ARHGAP39: variants seen among roughly 807,000 people sequenced by gnomAD.
The protein encoded by ARHGAP39 is rho GTPase-activating protein 39.
A neutral mutation model predicts 106.9 loss-of-function variants in ARHGAP39; 44 were observed. That is an observed-to-expected ratio of 0.41 (90% confidence interval 0.32 to 0.53). The LOEUF (loss-of-function observed/expected upper bound fraction) is 0.53, where lower values mean the gene tolerates loss of function less well. ARHGAP39 is among the 20% of genes least tolerant of loss of function. ARHGAP39 has a pLI of 0.21. For synonymous variants in ARHGAP39, 768 were observed against 693.2 expected (o/e 1.11, Z -1.69); for missense variants, 1,496 against 1,577.3 (o/e 0.95, Z 0.87).
intron 3 of ARHGAP39, among the ~76,000 whole-genome samples, chr8:144,556,973 G>A (rs947931439): frequency 6.9e-5 from 10 of 145,610 alleles, no homozygotes; most frequent in Non-Finnish European, 1.2e-4. Flanking sequence ...AGTGGCAAAA[G>A]CCTGAACCTT....
upstream of ARHGAP39, among the ~76,000 whole-genome samples, chr8:144,686,100 C>T (rs1425219219): frequency 6.6e-6 from 1 of 151,994 alleles, no homozygotes; most frequent in Non-Finnish European, 1.5e-5. Context: ...GTCTTCCCGT[C>T]TCTTTCGGTG....
In ARHGAP39 at chr8:144,683,824, A is replaced by C. The variant is rs1822497148; in HGVS notation, c.-82+1862T>G. ...AATGTAAACTTCCAGTTTACATTACATTGGCAGTGCTGGAGAAACTGAAGA... is the reference window on the plus strand; with the variant it reads ...AATGTAAACTTCCAGTTTACATTACCTTGGCAGTGCTGGAGAAACTGAAGA... On this transcript the variant is annotated intron_variant, in intron 1 of 11. Transcript: ENST00000377307. 1.3e-5 allele frequency among the ~76,000 whole-genome samples: 2 copies of C among 151,286 alleles called. 1 individual carries two copies. Among genetic ancestry groups the C allele is most frequent in the South Asian group, 4.3e-4 (2 of 4,704 alleles).
chr8:144,669,556 C>A (rs1822049912), intron 1 of ARHGAP39, among the ~76,000 whole-genome samples: 3 of 137,314 alleles, frequency 2.2e-5, no homozygotes, highest in African/African-American at 5.6e-5. Context: ...TTATGTACTG[C>A]AAAAAATAAA....
chr8:144,670,109 CAAT>C lies in ARHGAP39; in HGVS notation c.-82+15574_-82+15576del. On this transcript the variant is annotated intron_variant, in intron 1 of 11. Transcript: ENST00000377307. The surrounding 1 kb of genome is among the most constrained non-coding windows in gnomAD (Gnocchi z 4.4). ...ACCTGTACAACGGAACGTCCCTCAG[CAAT>C]AAAAAGCAACAGAGCTCGGATGCAT... 2.0e-5 allele frequency among the ~76,000 whole-genome samples: 3 copies of C among 152,340 alleles called. No individual in the cohort carries two copies. The Middle Eastern group carries it at 0.01, about 518-fold the overall frequency.
At chr8:144,599,788 G>A (rs140993226) in intron 2 of ARHGAP39, among the ~76,000 whole-genome samples, 59 of 152,320 alleles carry the variant, frequency 3.9e-4, no homozygotes, top group African/African-American at 1.3e-3. Flanking sequence ...TGGGAGACAC[G>A]TGCACATGAG....
intron 2 of ARHGAP39, among the ~76,000 whole-genome samples, chr8:144,593,870 A>G (rs1407000952): frequency 6.6e-6 from 1 of 152,158 alleles, no homozygotes. Flanking sequence ...CAGGTGGATC[A>G]CCTAAGTCAG....
chr8:144,564,649 C>T (rs1425437346), intron 3 of ARHGAP39, among the ~76,000 whole-genome samples: 1 of 152,080 alleles, frequency 6.6e-6, no homozygotes, highest in African/African-American at 2.4e-5. Flanking sequence ...AGAACCCAAT[C>T]AAAGTTCTAG....
rs117044477 is a variant in ARHGAP39, at chr8:144,583,025, G to A, written c.81-1748C>T. ...CACCTGCATGTCTCGCCACACCCTT[G>A]GCGTACACACCCACTCCACCGTCCA... On this transcript the variant is annotated intron_variant, in intron 2 of 11. Transcript: ENST00000377307. Among the ~76,000 whole-genome samples the A allele has an allele frequency of 3.0e-3, 463 of 152,176 alleles. 2 individuals are homozygous for A. Among genetic ancestry groups the A allele is most frequent in the African/African-American group, 5.2e-3 (216 of 41,538 alleles).
rs781642355 is a variant in ARHGAP39 at position 144,646,803 on chromosome 8, G to A, written c.-82+38883C>T. Among the ~76,000 whole-genome samples the A allele has an allele frequency of 6.6e-6, 1 of 152,128 alleles. No homozygotes were observed. Among genetic ancestry groups the A allele is most frequent in the African/African-American group, 2.4e-5 (1 of 41,424 alleles). ...GGGCCATGGCCCTGGCACTGCACGT[G>A]AGGAAACAAGGCCTTGGGTTTTTCT... On this transcript the variant is annotated intron_variant, in intron 1 of 11. Coordinates refer to ENST00000377307, the MANE Select transcript of ARHGAP39 (RefSeq NM_025251.3). The surrounding 1 kb of genome is among the most constrained non-coding windows in gnomAD (Gnocchi z 5.7).
chr8:144,629,564 C>G (rs992978051), intron 1 of ARHGAP39, among the ~76,000 whole-genome samples: 5 of 152,230 alleles, frequency 3.3e-5, no homozygotes, highest in African/African-American at 1.2e-4. Context: ...GAAGTCTGAG[C>G]TTTGGAGACA....
intron 4 of ARHGAP39, among the ~76,000 whole-genome samples, chr8:144,549,225 G>T (rs1817603630): frequency 1.3e-5 from 2 of 152,376 alleles, no homozygotes; most frequent in African/African-American, 4.8e-5. Flanking sequence ...TCTGCCCCTG[G>T]CGGCCCAAGG....
intron 1 of ARHGAP39, among the ~76,000 whole-genome samples, chr8:144,622,808 G>A (rs1255255779): frequency 6.6e-6 from 1 of 152,272 alleles, no homozygotes; most frequent in African/African-American, 2.4e-5. Context: ...GCGCAGGAGG[G>A]CCCTGGCCGG....
intron 3 of ARHGAP39, among the ~76,000 whole-genome samples, chr8:144,559,531 G>A (rs1818068557): frequency 6.6e-6 from 1 of 152,140 alleles, no homozygotes; most frequent in South Asian, 2.1e-4. Context: ...GACCAATCGT[G>A]TGTCTGAGGA....
intron 7 of ARHGAP39, among the ~76,000 whole-genome samples, chr8:144,535,824 G>A (rs999917097): frequency 6.6e-6 from 1 of 152,236 alleles, no homozygotes; most frequent in Non-Finnish European, 1.5e-5. Flanking sequence ...GTCTCTCTGT[G>A]CCTCAGTTTA....
In ARHGAP39 at chr8:144,591,425, C is replaced by A. The variant is rs1052782897; in HGVS notation, c.81-10148G>T. ...CCTGGGGGGACCAAAGGTAGCAGGG[C>A]CACCGTGAAGGGCCTGAGGCCTGGG... On this transcript the variant is annotated intron_variant, in intron 2 of 11. Transcript: ENST00000377307. This position sits in a 1 kb window ranked among gnomAD's most constrained non-coding sequence, Gnocchi z 5.3. Among the ~76,000 whole-genome samples the A allele has an allele frequency of 6.6e-6, 1 of 152,182 alleles. No individual in the cohort carries two copies. Among genetic ancestry groups the A allele is most frequent in the African/African-American group, 2.4e-5 (1 of 41,442 alleles).
At position 144,547,248 on chromosome 8, in the gene ARHGAP39, T is replaced by C; in HGVS notation, c.1838A>G (p.Glu613Gly). The C allele has an allele frequency of 2.5e-6, 4 of 1,612,600 alleles. No homozygotes were observed. In the East Asian group the frequency reaches 6.7e-5, roughly 27 times the overall value. The change falls in exon 5 of 12, where the codon GAG becomes GGG. Residue 613 changes from glutamate to glycine, a missense_variant. Glu to Gly is a moderately conservative substitution (Grantham distance 98). Around this residue, in one of 4 missense-constraint regions of ARHGAP39, gnomAD observed 905 missense variants for 816.4 expected, o/e 1.11. Transcript: ENST00000377307. This position sits in a 1 kb window ranked among gnomAD's most constrained non-coding sequence, Gnocchi z 5.2. The stretch of plus-strand genomic sequence containing the variant: ...GGTGCCCCTCCTCCAGTGCCTGTTC[T>C]CCTGCTGGGCCAGCGCCTCGTCCTC... ...FSEDEALAQQENRHWRRGTFE... is the reference protein window; with the variant it reads ...FSEDEALAQQGNRHWRRGTFE...
At chr8:144,602,350 C>A (rs923264486) in intron 2 of ARHGAP39, among the ~76,000 whole-genome samples, 1 of 112,404 alleles carries the variant, frequency 8.9e-6, no homozygotes, top group Non-Finnish European at 1.8e-5. Context: ...TACCTGTATG[C>A]ATGTGCATGG....
intron 1 of ARHGAP39, among the ~76,000 whole-genome samples, chr8:144,650,400 A>G (rs1407905971): frequency 6.6e-6 from 1 of 152,136 alleles, no homozygotes; most frequent in African/African-American, 2.4e-5. Context: ...AACTCATTCA[A>G]TGATGCCAGC....
At chr8:144,686,884 A>G, upstream of ARHGAP39, among the ~76,000 whole-genome samples, 1 of 151,482 alleles carries the variant, frequency 6.6e-6, no homozygotes, top group African/African-American at 2.4e-5. Context: ...GTGACAACAC[A>G]CTGGCGGCGA....
Sources: allele counts gnomAD v4.1 joint callset (sites outside exome capture counted in the v4.1 genomes callset), GRCh38; gene constraint gnomAD v4.1.1; regional missense constraint gnomAD v4.1.1; non-coding constraint Gnocchi (gnomAD v3.1); transcripts MANE v1.5; gene names NCBI Gene and HGNC (gene_info 2026-07-23, HGNC 2026-07-21).